Variants in RAB6A observed in about 807,000 individuals in gnomAD.
RAB6A encodes the protein ras-related protein Rab-6A.
A neutral mutation model predicts 32.3 loss-of-function variants in RAB6A; 8 were observed. The observed-to-expected ratio is 0.25, with a 90% CI of 0.15 to 0.45. The LOEUF is 0.45. Among genes scored for constraint, RAB6A ranks in the 20% least tolerant of loss-of-function variants. The pLI, the probability that RAB6A is intolerant of heterozygous loss-of-function variation, is 1.00. For synonymous variants in RAB6A, 73 were observed against 82.1 expected (o/e 0.89, Z 0.60); for missense variants, 104 against 249.4 (o/e 0.42, Z 3.93).
intron 1 of RAB6A, among the ~76,000 whole-genome samples, chr11:73,746,540 C>G (rs1008802525): frequency 6.6e-6 from 1 of 151,880 alleles, no homozygotes; most frequent in African/African-American, 2.4e-5. Context: ...GAGGCCAAGG[C>G]AGGAGGATCA....
At chr11:73,722,061 T>TTTTTTTTTTTTTTGGAGAC (rs1264423078) in intron 2 of RAB6A, among the ~76,000 whole-genome samples, 1 of 150,972 alleles carries the variant, frequency 6.6e-6, no homozygotes, top group Non-Finnish European at 1.5e-5. Context: ...GCCATGATTG[T>TTTTTTTTTTTTTTGGAGAC]AAGTTTCCTG....
At chr11:73,755,288 T>C (rs1287361364) in intron 1 of RAB6A, among the ~76,000 whole-genome samples, 1 of 151,272 alleles carries the variant, frequency 6.6e-6, no homozygotes, top group African/African-American at 2.4e-5. Context: ...ACAGTAAATG[T>C]TGATATATTT....
chr11:73,715,222 G>A (rs1460595849), intron 5 of RAB6A, among the ~76,000 whole-genome samples: 6 of 152,052 alleles, frequency 3.9e-5, no homozygotes, highest in Non-Finnish European at 8.8e-5. Flanking sequence ...CGCTCCCCTG[G>A]TTCAAGCAGT....
intron 5 of RAB6A, among the ~76,000 whole-genome samples, chr11:73,713,034 A>C (rs1462582416): frequency 6.6e-6 from 1 of 152,120 alleles, no homozygotes; most frequent in Non-Finnish European, 1.5e-5. Context: ...TACTATTATT[A>C]ATATAAATAG....
Position 73,675,858 on chromosome 11 carries a change from T to C in RAB6A, c.*2040A>G, listed in dbSNP as rs929829130. The C allele has an allele frequency of 2.4e-5, 4 of 167,066 alleles. No individual in the cohort carries two copies. Among genetic ancestry groups the C allele is most frequent in the Admixed American group, 2.0e-4 (3 of 15,274 alleles). 10.3% of individuals were successfully genotyped at this position (167,066 alleles called of 1,614,324 possible). A position where few individuals can be genotyped will look rare whatever the true frequency, so the allele number is the denominator to read the frequency against. ...AAGACAATCACACCCATGTCAGAAG[T>C]CACAACTTCTTCCAAATAAAGAATA... On this transcript the variant is annotated 3_prime_UTR_variant, in exon 8 of 8. Transcript: ENST00000336083.
At chr11:73,718,591 A>G in intron 4 of RAB6A, 22 bp downstream of exon 4, 7 of 1,572,116 alleles carry the variant, frequency 4.5e-6, no homozygotes, top group Non-Finnish European at 6.1e-6. Flanking sequence ...AAGATTAGAA[A>G]TGCATAATTC....
intron 5 of RAB6A, among the ~76,000 whole-genome samples, chr11:73,708,118 T>C (rs1238506102): frequency 6.6e-6 from 1 of 152,222 alleles, no homozygotes; most frequent in East Asian, 1.9e-4. Context: ...TTGCCCTAAA[T>C]ATCTGTGCTT....
In RAB6A at chr11:73,760,666, G is replaced by A. The variant is rs769635402; in HGVS notation, c.-31C>T. The A allele has an allele frequency of 1.3e-6, 2 of 1,596,594 alleles. No homozygotes were observed. The highest frequency in any genetic ancestry group is 3.5e-5 in the Admixed American group (2 of 57,274). ...AACTAGAGGAGCGGCCGCCGCCTCA[G>A]CCTAGAGACCTCCCGGACCGATGCT... On this transcript the variant is annotated 5_prime_UTR_variant, in exon 1 of 8. Coordinates refer to ENST00000336083, the MANE Select transcript of RAB6A (RefSeq NM_198896.2).
At chr11:73,733,235 C>T (rs1048640162) in intron 1 of RAB6A, among the ~76,000 whole-genome samples, 6 of 152,088 alleles carry the variant, frequency 3.9e-5, no homozygotes, top group African/African-American at 1.2e-4. Flanking sequence ...CAAGCCATCC[C>T]TTGCTGGAAT....
intron 1 of RAB6A, among the ~76,000 whole-genome samples, chr11:73,754,573 A>C (rs1342300550): frequency 6.6e-6 from 1 of 152,184 alleles, no homozygotes; most frequent in Non-Finnish European, 1.5e-5. Flanking sequence ...AAACAATGTC[A>C]CTCTCACTAA....
chr11:73,744,941 C>T (rs1449158131), intron 1 of RAB6A, among the ~76,000 whole-genome samples: 5 of 150,828 alleles, frequency 3.3e-5, no homozygotes, highest in African/African-American at 9.8e-5. Flanking sequence ...CGCCACTGCA[C>T]TCCAGCCTGG....
At chr11:73,681,499 G>T (rs914338840) in intron 6 of RAB6A, among the ~76,000 whole-genome samples, 2 of 152,110 alleles carry the variant, frequency 1.3e-5, no homozygotes, top group Non-Finnish European at 2.9e-5. Flanking sequence ...TAAGAGACTG[G>T]AACTACAACT....
chr11:73,725,534 C>T (rs1590866580), intron 2 of RAB6A, among the ~76,000 whole-genome samples: 2 of 151,952 alleles, frequency 1.3e-5, no homozygotes, highest in African/African-American at 4.8e-5. Flanking sequence ...TAGTGGAAGG[C>T]GAAAGGTACT....
chr11:73,716,420 G>T, intron 4 of RAB6A, 58 bp from the exon 5 acceptor site: 2 of 1,292,704 alleles, frequency 1.5e-6, no homozygotes, highest in Non-Finnish European at 2.2e-6. Context: ...TCCCCAGGTG[G>T]TGGGCACCTC....
At chr11:73,691,464 A>G (rs566417317) in intron 6 of RAB6A, among the ~76,000 whole-genome samples, 11 of 152,298 alleles carry the variant, frequency 7.2e-5, no homozygotes, top group Non-Finnish European at 1.2e-4. Flanking sequence ...ATATACTCCA[A>G]GTAGCACCAG....
intron 1 of RAB6A, among the ~76,000 whole-genome samples, chr11:73,734,394 G>A (rs576266403): frequency 3.9e-5 from 6 of 152,250 alleles, no homozygotes; most frequent in African/African-American, 1.4e-4. Context: ...CCAAAGAGCT[G>A]GGATTACAGG....
chr11:73,724,204 G>A (rs956878833), intron 2 of RAB6A, among the ~76,000 whole-genome samples: 1 of 152,010 alleles, frequency 6.6e-6, no homozygotes, highest in Middle Eastern at 3.2e-3. Context: ...GACTCCAAAA[G>A]CAAAGAAAAA....
intron 1 of RAB6A, among the ~76,000 whole-genome samples, chr11:73,757,947 G>C (rs754177650): frequency 5.9e-5 from 9 of 152,206 alleles, no homozygotes; most frequent in Non-Finnish European, 1.2e-4. Flanking sequence ...CATGGGAGTT[G>C]CATTCTTCTG....
intron 1 of RAB6A, among the ~76,000 whole-genome samples, chr11:73,757,384 C>T (rs1405818231): frequency 6.6e-6 from 1 of 151,280 alleles, no homozygotes; most frequent in East Asian, 2.0e-4. Context: ...GTTAGCCAGG[C>T]TGGTCTTGAA....
Sources: gnomAD v4.1 joint callset for allele counts (sites outside exome capture counted in the v4.1 genomes callset) on GRCh38, gnomAD v4.1.1 for gene constraint, MANE v1.5 for transcripts, NCBI Gene and HGNC (gene_info 2026-07-23, HGNC 2026-07-21) for gene names.